The following AFF2 variants were observed in gnomAD, a reference collection of about 807,000 sequenced individuals.
AFF2 encodes the protein ALF transcription elongation factor 2, also known as AF4/FMR2 family member 2.
A neutral mutation model predicts 76.9 loss-of-function variants in AFF2; 14 were observed. The observed-to-expected ratio is 0.18, with a 90% confidence interval of 0.12 to 0.28. The LOEUF (loss-of-function observed/expected upper bound fraction) is 0.28. Ranked by LOEUF, AFF2 falls within the 10% of genes least tolerant of loss-of-function variation. AFF2 has a pLI of 1.00. For synonymous variants in AFF2, 398 were observed against 366.7 expected (o/e 1.09, Z -0.98); for missense variants, 868 against 1,001.1 (o/e 0.87, Z 1.79).
intron 2 of AFF2, among the ~76,000 whole-genome samples, chrX:148,655,055 C>A (rs1012932744): frequency 9.0e-6 from 1 of 110,602 alleles, no homozygotes; most frequent in Non-Finnish European, 1.9e-5. Flanking sequence ...TTTCACAAGG[C>A]CTGTTATATA....
At chrX:148,590,755 GT>G (rs2053515518) in intron 1 of AFF2, among the ~76,000 whole-genome samples, 1 of 111,768 alleles carries the variant, frequency 8.9e-6, no homozygotes, top group Admixed American at 9.5e-5. Context: ...TGTTGTATTT[GT>G]TTTCCTTAGG....
chrX:148,939,853 A>G (rs2071813689), intron 9 of AFF2, among the ~76,000 whole-genome samples: 1 of 111,993 alleles, frequency 8.9e-6, no homozygotes, highest in African/African-American at 3.2e-5. Flanking sequence ...ATACACACAC[A>G]TTCATCCATT....
chrX:148,695,439 C>T (rs1446009395), intron 3 of AFF2, among the ~76,000 whole-genome samples: 1 of 111,907 alleles, frequency 8.9e-6, no homozygotes, highest in African/African-American at 3.2e-5. Flanking sequence ...AGCAAATAAT[C>T]AACGCAGGAA....
chrX:148,546,018 A>G (rs782161433), intron 1 of AFF2, among the ~76,000 whole-genome samples: 18 of 112,307 alleles, frequency 1.6e-4, no homozygotes, highest in Non-Finnish European at 3.4e-4. Flanking sequence ...GTTTATAGAG[A>G]TGTAGTGACT....
At chrX:148,709,400 CAATGTATTG>C (rs1329969808) in intron 3 of AFF2, among the ~76,000 whole-genome samples, 1 of 111,465 alleles carries the variant, frequency 9.0e-6, no homozygotes, top group Non-Finnish European at 1.9e-5. Flanking sequence ...CAATAAATGT[CAATGTATTG>C]AATGTATAAA....
intron 3 of AFF2, among the ~76,000 whole-genome samples, chrX:148,696,642 G>C (rs1238218402): frequency 3.6e-5 from 4 of 110,848 alleles, no homozygotes; most frequent in African/African-American, 1.3e-4. Flanking sequence ...GGAAAAAATG[G>C]CATAAAGTTT....
chrX:148,632,688 G>A (rs1557253188), intron 1 of AFF2, among the ~76,000 whole-genome samples: 1 of 112,154 alleles, frequency 8.9e-6, no homozygotes, highest in Non-Finnish European at 1.9e-5. Flanking sequence ...CTCTCAGCCT[G>A]CCAGGAGCCA....
At chrX:148,637,210 T>A (rs1311586835) in intron 1 of AFF2, among the ~76,000 whole-genome samples, 4 of 112,057 alleles carry the variant, frequency 3.6e-5, no homozygotes, top group Non-Finnish European at 7.5e-5. Flanking sequence ...ATATTAAACA[T>A]ATTACACAAA....
chrX:148,584,542 G>C (rs1557245573), intron 1 of AFF2, among the ~76,000 whole-genome samples: 1 of 102,571 alleles, frequency 9.7e-6, no homozygotes, highest in Non-Finnish European at 2.0e-5. Context: ...TTTGCCCCTG[G>C]AGTTAAATGA....
At chrX:148,542,012 A>T (rs1167444730) in intron 1 of AFF2, among the ~76,000 whole-genome samples, 1 of 108,861 alleles carries the variant, frequency 9.2e-6, no homozygotes, top group Non-Finnish European at 1.9e-5. Context: ...TGCTTTTCCC[A>T]TGTATAGTCT....
intron 3 of AFF2, among the ~76,000 whole-genome samples, chrX:148,699,818 A>G (rs1235230323): frequency 8.9e-6 from 1 of 112,155 alleles, no homozygotes; most frequent in Non-Finnish European, 1.9e-5. Context: ...CTTAAAAACC[A>G]GACAGTAATT....
chrX:148,650,104 C>A (rs1352188291), intron 1 of AFF2, among the ~76,000 whole-genome samples: 1 of 111,062 alleles, frequency 9.0e-6, no homozygotes, highest in Admixed American at 9.6e-5. Flanking sequence ...CCCCATAACA[C>A]CCAATCTTTC....
chrX:148,872,233 T>TA (rs1488995006), intron 7 of AFF2, among the ~76,000 whole-genome samples: 4 of 111,823 alleles, frequency 3.6e-5, no homozygotes, highest in African/African-American at 1.3e-4. Context: ...AATTCTAGAA[T>TA]ATTTTTATCA....
chrX:148,961,878 A>G (rs2072113052), intron 12 of AFF2, among the ~76,000 whole-genome samples: 1 of 112,689 alleles, frequency 8.9e-6, no homozygotes, highest in Non-Finnish European at 1.9e-5. Flanking sequence ...TTAGTCTAAG[A>G]CAGTAACTAA....
chrX:148,581,333 CGTAT>C (rs1252962208), intron 1 of AFF2, among the ~76,000 whole-genome samples: 18 of 93 alleles, frequency 0.19, 3 homozygotes, highest in African/African-American at 0.26. Flanking sequence ...CACATATATA[CGTAT>C]ACGTATACGT....
chrX:148,900,396 G>A (rs983839739), intron 8 of AFF2, among the ~76,000 whole-genome samples: 1 of 111,910 alleles, frequency 8.9e-6, no homozygotes, highest in African/African-American at 3.2e-5. Flanking sequence ...AGGAACATAG[G>A]TTTAGCGAGT....
At chrX:148,527,106 C>T (rs1485857533) in intron 1 of AFF2, among the ~76,000 whole-genome samples, 1 of 112,181 alleles carries the variant, frequency 8.9e-6, no homozygotes. Flanking sequence ...ACCTGGCAGA[C>T]ACCACCTTAA....
intron 3 of AFF2, among the ~76,000 whole-genome samples, chrX:148,696,052 C>T (rs1323751726): frequency 2.7e-5 from 3 of 112,020 alleles, no homozygotes; most frequent in African/African-American, 9.7e-5. Flanking sequence ...AGAAGTAATG[C>T]TTTATTGATC....
At chrX:148,599,499 T>C (rs986471340) in intron 1 of AFF2, among the ~76,000 whole-genome samples, 9 of 110,811 alleles carry the variant, frequency 8.1e-5, no homozygotes, top group Admixed American at 5.8e-4. Flanking sequence ...AAGCAGTTTT[T>C]GTGGTCAGCG....
Sources: gnomAD v4.1 joint callset for allele counts (sites outside exome capture counted in the v4.1 genomes callset) on GRCh38, gnomAD v4.1.1 for gene constraint, MANE v1.5 for transcripts, NCBI Gene and HGNC (gene_info 2026-07-23, HGNC 2026-07-21) for gene names.